BNC2: variants seen among roughly 807,000 people sequenced by gnomAD.
BNC2 encodes zinc finger protein basonuclin-2.
A neutral mutation model predicts 76.3 loss-of-function variants in BNC2; 20 were observed. The ratio of observed to expected loss-of-function variants is 0.26; its 90% confidence interval spans 0.18 to 0.38. The LOEUF (loss-of-function observed/expected upper bound fraction) is 0.38, where lower values mean the gene tolerates loss of function less well. Among genes scored for constraint, BNC2 ranks in the 10% least tolerant of loss-of-function variants. The pLI is 1.00. For missense variants in BNC2, 1,382 were observed against 1,399.8 expected, an observed-to-expected ratio of 0.99 and a Z score of 0.20; for synonymous variants, 582 against 514.8, an observed-to-expected ratio of 1.13 and a Z score of -1.77.
chr9:16,555,575 G>A (rs1347434156), intron 4 of BNC2, among the ~76,000 whole-genome samples: 6 of 151,452 alleles, frequency 4.0e-5, no homozygotes, highest in Non-Finnish European at 8.8e-5. Flanking sequence ...ACGGCAGATT[G>A]CCTAAGCCAA....
chr9:16,698,632 T>G (rs1387342039), intron 3 of BNC2, among the ~76,000 whole-genome samples: 1 of 151,814 alleles, frequency 6.6e-6, no homozygotes, highest in East Asian at 1.9e-4. Context: ...AAACAGAGGT[T>G]GCGGTGAGCC....
intron 1 of BNC2, among the ~76,000 whole-genome samples, chr9:16,835,639 T>C (rs1233992338): frequency 1.3e-5 from 2 of 152,234 alleles, no homozygotes; most frequent in East Asian, 3.9e-4. Context: ...GAGGCGGAGG[T>C]TGCAGTGAGC....
rs1820630753 is a variant in BNC2, at chr9:16,418,423, T to C, written c.*566A>G. 2 of 141,478 alleles carry C rather than the reference T, an allele frequency of 1.4e-5. No homozygotes were observed. The highest frequency in any genetic ancestry group is 1.5e-4 in the Admixed American group (2 of 13,314). 8.8% of individuals were successfully genotyped at this position (141,478 alleles called of 1,614,324 possible). ...AACAAAAAAGTTAAACAACCATCAA[T>C]ACAATTGTTTTACATCAATGGCCCC... On this transcript the variant is annotated 3_prime_UTR_variant, in exon 7 of 7. Transcript: ENST00000380672.
chr9:16,637,628 A>C (rs933657179), intron 3 of BNC2, among the ~76,000 whole-genome samples: 14 of 152,366 alleles, frequency 9.2e-5, no homozygotes, highest in African/African-American at 3.1e-4. Context: ...AAAAAAAGCA[A>C]AAACAGTAAC....
intron 1 of BNC2, among the ~76,000 whole-genome samples, chr9:16,861,201 T>C (rs952956025): frequency 2.8e-5 from 3 of 105,566 alleles, no homozygotes; most frequent in East Asian, 2.9e-4. Flanking sequence ...TATATATATA[T>C]AAATTAACCA....
At chr9:16,760,805 C>G (rs1049387007) in intron 1 of BNC2, among the ~76,000 whole-genome samples, 1 of 151,570 alleles carries the variant, frequency 6.6e-6, no homozygotes, top group Non-Finnish European at 1.5e-5. Flanking sequence ...GAACAGAAAA[C>G]AAAGTTGCTG....
chr9:16,518,580 T>TA (rs1817511303), intron 5 of BNC2, among the ~76,000 whole-genome samples: 8 of 132,680 alleles, frequency 6.0e-5, no homozygotes, highest in African/African-American at 2.6e-4. Flanking sequence ...ATATATATAT[T>TA]TTTTGTTGTT....
chr9:16,626,409 G>C (rs370291984), intron 3 of BNC2: 3 of 152,256 alleles, frequency 2.0e-5, no homozygotes, highest in African/African-American at 7.2e-5. Flanking sequence ...TTTCCTGCAA[G>C]TACATTTGCA....
intron 3 of BNC2, among the ~76,000 whole-genome samples, chr9:16,659,368 G>A (rs991504770): frequency 7.9e-5 from 12 of 152,028 alleles, no homozygotes; most frequent in African/African-American, 2.7e-4. Flanking sequence ...ACAGCACTTT[G>A]GGGGGCCGAG....
intron 5 of BNC2, among the ~76,000 whole-genome samples, chr9:16,481,980 A>G (rs1399885922): frequency 6.6e-6 from 1 of 152,212 alleles, no homozygotes; most frequent in Non-Finnish European, 1.5e-5. Flanking sequence ...GGATAATCTG[A>G]GCTCCAAAGT....
At position 16,436,248 on chromosome 9, in the gene BNC2, G is replaced by T; in HGVS notation, c.1946C>A (p.Thr649Asn). Residue 649 changes from threonine (T) to asparagine (N), a missense_variant, in exon 6 of 7, where the codon ACC becomes AAC. Thr to Asn is a moderately conservative substitution (Grantham distance 65, BLOSUM62 0). Coordinates refer to ENST00000380672, the MANE Select transcript of BNC2 (RefSeq NM_017637.6). ...ATCTTCATCATCAAACTCATCGGCG[G>T]TATCAATAATTTCCTTCTCAATCTT... is the stretch of plus-strand genomic sequence containing the variant. ...PVKIEKEIIDTADEFDDEDDD... is the reference protein window; with the variant it reads ...PVKIEKEIIDNADEFDDEDDD... 3.7e-6 allele frequency: 6 copies of T among 1,614,144 alleles called. No individual in the cohort carries two copies. Among genetic ancestry groups the T allele is most frequent in the Non-Finnish European group, 5.1e-6 (6 of 1,180,028 alleles).
At chr9:16,615,091 G>A (rs528555818) in intron 3 of BNC2, among the ~76,000 whole-genome samples, 1 of 150,888 alleles carries the variant, frequency 6.6e-6, no homozygotes, top group South Asian at 2.1e-4. Flanking sequence ...TTACTGCTAA[G>A]CACAAGGAAC....
chr9:16,822,423 G>A (rs182566346), intron 1 of BNC2, among the ~76,000 whole-genome samples: 53 of 152,256 alleles, frequency 3.5e-4, no homozygotes, highest in African/African-American at 1.3e-3. Context: ...AGTGAGTCTA[G>A]ATGCAAAAAC....
intron 4 of BNC2, among the ~76,000 whole-genome samples, chr9:16,566,206 G>A (rs557539913): frequency 5.9e-5 from 9 of 152,226 alleles, no homozygotes; most frequent in African/African-American, 1.7e-4. Flanking sequence ...TCAAGACCTT[G>A]ATTTTGAGCA....
chr9:16,434,809 A>G, intron 6 of BNC2: 1 of 456,108 alleles, frequency 2.2e-6, no homozygotes, highest in East Asian at 6.9e-5. Flanking sequence ...TCCTCAAAGT[A>G]TATGCATGCC....
Position 16,764,736 on chromosome 9 carries a change from TC to T in BNC2, c.4-26252del, listed in dbSNP as rs1476189780. ...AAATTGACATAACTTTACTTATTTG[TC>T]TGTTTTTTTTTTAATAAGAAGCAAT... On this transcript the variant is annotated intron_variant, in intron 1 of 6. Transcript: ENST00000380672. 0.016 allele frequency among the ~76,000 whole-genome samples: 481 copies of T among 30,538 alleles called. 5 individuals carry two copies. The East Asian group carries it at 0.36, about 23-fold the overall frequency. The allele number at this position is 30,538 out of a possible 152,430, so 20.0% of individuals were successfully genotyped here.
intron 3 of BNC2, among the ~76,000 whole-genome samples, chr9:16,656,089 C>T (rs1821921573): frequency 6.6e-6 from 1 of 152,168 alleles, no homozygotes; most frequent in Admixed American, 6.5e-5. Context: ...AGGACAGTTA[C>T]TGGTAGCTAT....
intron 3 of BNC2, among the ~76,000 whole-genome samples, chr9:16,653,790 T>C (rs373638886): frequency 2.4e-4 from 37 of 152,310 alleles, no homozygotes; most frequent in African/African-American, 8.2e-4. Context: ...ACTTTTGGAC[T>C]ACGGCTGTGC....
chr9:16,669,158 T>C (rs2134158252), intron 3 of BNC2, among the ~76,000 whole-genome samples: 1 of 152,336 alleles, frequency 6.6e-6, no homozygotes, highest in Middle Eastern at 3.4e-3. Flanking sequence ...TAACTATAAG[T>C]TGCATAATAT....
Sources: gnomAD v4.1 joint callset for allele counts (sites outside exome capture counted in the v4.1 genomes callset) on GRCh38, gnomAD v4.1.1 for gene constraint, MANE v1.5 for transcripts, NCBI Gene and HGNC (gene_info 2026-07-23, HGNC 2026-07-21) for gene names.